SH3KBP1: variants seen among roughly 807,000 people sequenced by gnomAD.
SH3KBP1 encodes SH3 domain-containing kinase-binding protein 1.
SH3KBP1 carries 8 observed loss-of-function variants against 50.1 expected under a neutral mutation model. The ratio of observed to expected loss-of-function variants is 0.16; its 90% CI spans 0.09 to 0.29. The LOEUF is 0.29. Ranked by LOEUF, SH3KBP1 falls within the 10% of genes least tolerant of loss-of-function variation. SH3KBP1 has a pLI of 1.00. For synonymous variants in SH3KBP1, 227 were observed against 218.6 expected, an observed-to-expected ratio of 1.04 and a Z score of -0.34; for missense variants, 377 against 535.2, an observed-to-expected ratio of 0.70 and a Z score of 2.92.
intron 13 of SH3KBP1, among the ~76,000 whole-genome samples, chrX:19,554,115 TATA>T (rs1184964167): frequency 6.7e-4 from 50 of 74,854 alleles, no homozygotes; most frequent in African/African-American, 1.7e-3. Flanking sequence ...CATATTAAAA[TATA>T]ATATTATATA....
At chrX:19,807,900 A>G (rs2067096244) in intron 2 of SH3KBP1, among the ~76,000 whole-genome samples, 1 of 112,789 alleles carries the variant, frequency 8.9e-6, no homozygotes, top group South Asian at 3.6e-4. Flanking sequence ...ATTTCATAGA[A>G]GGTAGCAGAT....
intron 3 of SH3KBP1, among the ~76,000 whole-genome samples, chrX:19,730,295 G>T (rs1455126579): frequency 8.9e-6 from 1 of 111,808 alleles, no homozygotes; most frequent in Non-Finnish European, 1.9e-5. Context: ...GGGCAACATA[G>T]CAGAACTCTA....
At chrX:19,703,696 CTGTGTGTG>C (rs56915755) in intron 4 of SH3KBP1, among the ~76,000 whole-genome samples, 7,126 of 63,320 alleles carry the variant, frequency 0.11, 385 homozygotes, top group Non-Finnish European at 0.13. Context: ...AAAAGAGAAA[CTGTGTGTG>C]TGTGTGTGTG....
In SH3KBP1 at chrX:19,645,382, A is replaced by G; in HGVS notation, c.802+18T>C. On this transcript the variant is annotated intron_variant, in intron 7 of 17. Transcript: ENST00000397821. ...TTAAATGCTTTTAAATGTGAAACAGATAACTAAGGAAACTCACTCTTTGTC... is the reference window on the plus strand; with the variant it reads ...TTAAATGCTTTTAAATGTGAAACAGGTAACTAAGGAAACTCACTCTTTGTC... The G allele has an allele frequency of 8.8e-7, 1 of 1,139,327 alleles. No individual in the cohort carries two copies. 93.9% of individuals were successfully genotyped at this position (1,139,327 alleles called of 1,213,427 possible). A position where few individuals can be genotyped will look rare whatever the true frequency, so the allele number is the denominator to read the frequency against.
At chrX:19,863,166 T>C (rs73443563) in intron 1 of SH3KBP1, among the ~76,000 whole-genome samples, 1,797 of 111,701 alleles carry the variant, frequency 0.016, 37 homozygotes, top group African/African-American at 0.055. Flanking sequence ...GGGCTCAAGC[T>C]TTGCTGAGCT....
chrX:19,707,029 A>G (rs764652137), intron 3 of SH3KBP1, 45 bp from the exon 4 acceptor site: 2 of 1,062,984 alleles, frequency 1.9e-6, no homozygotes, highest in Non-Finnish European at 2.6e-6. Flanking sequence ...CTTCTCCCCA[A>G]ATCAGATTTT....
At chrX:19,852,474 C>T (rs2068534491) in intron 1 of SH3KBP1, among the ~76,000 whole-genome samples, 1 of 110,445 alleles carries the variant, frequency 9.1e-6, no homozygotes. Context: ...TATTATTGTT[C>T]CTGGTTTAGG....
At chrX:19,797,375 C>T (rs958657900) in intron 2 of SH3KBP1, among the ~76,000 whole-genome samples, 3 of 111,542 alleles carry the variant, frequency 2.7e-5, no homozygotes, top group Non-Finnish European at 3.8e-5. Context: ...AGTGACCAGA[C>T]GCAGAGACAG....
chrX:19,679,184 A>C (rs2148572639), intron 6 of SH3KBP1, among the ~76,000 whole-genome samples: 1 of 111,598 alleles, frequency 9.0e-6, no homozygotes, highest in South Asian at 3.8e-4. Flanking sequence ...CTACAGCACA[A>C]CACTGTGTTC....
intron 1 of SH3KBP1, among the ~76,000 whole-genome samples, chrX:19,877,484 C>G (rs149813192): frequency 1.1e-4 from 12 of 111,850 alleles, no homozygotes; most frequent in Non-Finnish European, 2.1e-4. Context: ...AGGCACAAAC[C>G]TAAGAACTAG....
intron 11 of SH3KBP1, among the ~76,000 whole-genome samples, chrX:19,590,388 C>T (rs897020240): frequency 9.0e-6 from 1 of 111,602 alleles, no homozygotes; most frequent in African/African-American, 3.3e-5. Context: ...CCTGGCTTCC[C>T]TATTGCATCT....
At chrX:19,851,351 A>G (rs1462015110) in intron 1 of SH3KBP1, among the ~76,000 whole-genome samples, 1 of 112,255 alleles carries the variant, frequency 8.9e-6, no homozygotes, top group African/African-American at 3.2e-5. Flanking sequence ...ACACGAATCC[A>G]GATGTTTCAC....
intron 3 of SH3KBP1, among the ~76,000 whole-genome samples, chrX:19,734,926 G>C (rs903048083): frequency 1.8e-5 from 2 of 112,018 alleles, no homozygotes. Flanking sequence ...GTGGACATTT[G>C]GGTTGTTGCC....
At chrX:19,571,830 C>CTT (rs199692054) in intron 12 of SH3KBP1, among the ~76,000 whole-genome samples, 8 of 100,053 alleles carry the variant, frequency 8.0e-5, no homozygotes, top group African/African-American at 2.2e-4. Context: ...CTCTACTTGG[C>CTT]TTTTTTTTTT....
chrX:19,757,502 T>C (rs1024889216), intron 2 of SH3KBP1, among the ~76,000 whole-genome samples: 1 of 108,859 alleles, frequency 9.2e-6, no homozygotes, highest in Non-Finnish European at 1.9e-5. Flanking sequence ...TGTTATCTTA[T>C]GTAAAAACAC....
At chrX:19,593,066 A>C (rs967869342) in intron 10 of SH3KBP1, among the ~76,000 whole-genome samples, 1 of 112,001 alleles carries the variant, frequency 8.9e-6, no homozygotes, top group African/African-American at 3.2e-5. Flanking sequence ...CATTTTTTCA[A>C]ATGTACCACT....
Position 19,670,859 on chromosome X carries a change from T to TAAAA in SH3KBP1, c.726+12963_726+12964insTTTT. 13 of 921,266 alleles carry TAAAA rather than the reference T, an allele frequency of 1.4e-5. No homozygotes were observed. The African/African-American group carries it at 1.4e-4, about 10-fold the overall frequency. The allele number at this position is 921,266 out of a possible 1,213,427, so 75.9% of individuals were successfully genotyped here. A position where few individuals can be genotyped will look rare whatever the true frequency, so the allele number is the denominator to read the frequency against. On this transcript the variant is annotated intron_variant, in intron 6 of 17. Transcript: ENST00000397821. ...AAAAGCAAAAAAAAAAAAAAAGAAA[T>TAAAA]ACCTCTTCTCCCATGATGCAGCCAG...
rs992663602 is a variant in SH3KBP1, at chrX:19,858,042, G to T, written c.5-21760C>A. ...AAAAACACAAAAATTAGCTGGGTGT[G>T]GTGGTGCACGCCTGTAATCCCAGCT... is the stretch of plus-strand genomic sequence containing the variant. On this transcript the variant is annotated intron_variant, in intron 1 of 17. Coordinates refer to ENST00000397821, the MANE Select transcript of SH3KBP1 (RefSeq NM_031892.3). 2.7e-5 allele frequency among the ~76,000 whole-genome samples: 3 copies of T among 109,336 alleles called. No homozygotes were observed. The South Asian group carries it at 1.2e-3, about 43-fold the overall frequency. 94.9% of individuals were successfully genotyped at this position (109,336 alleles called of 115,157 possible).
Position 19,775,115 on chromosome X carries a change from G to C in SH3KBP1, c.163-28674C>G. Among the ~76,000 whole-genome samples the C allele has an allele frequency of 1.8e-5, 2 of 111,438 alleles. 1 individual carries two copies. Among genetic ancestry groups the C allele is most frequent in the East Asian group, 5.6e-4 (2 of 3,557 alleles). The stretch of plus-strand genomic sequence containing the variant: ...CATCAGGGGACTTTATCAGACTGGA[G>C]GGCAGAAACCATCCAAACTGACTTG... On this transcript the variant is annotated intron_variant, in intron 2 of 17. Transcript: ENST00000397821.
Sources: allele counts gnomAD v4.1 joint callset (sites outside exome capture counted in the v4.1 genomes callset), GRCh38; gene constraint gnomAD v4.1.1; transcripts MANE v1.5; gene names NCBI Gene and HGNC (gene_info 2026-07-23, HGNC 2026-07-21).